DLG2: variants seen among roughly 807,000 people sequenced by gnomAD.
DLG2 encodes disks large homolog 2.
In DLG2, 45 loss-of-function variants were observed where a neutral mutation model predicts 132.5. That is an observed-to-expected ratio of 0.34 (90% confidence interval 0.27 to 0.44). The LOEUF (loss-of-function observed/expected upper bound fraction) is 0.44. Ranked by LOEUF, DLG2 falls within the 20% of genes least tolerant of loss-of-function variation. The pLI is 1.00. For synonymous variants in DLG2, 424 were observed against 419.6 expected, an observed-to-expected ratio of 1.01 and a Z score of -0.13; for missense variants, 1,045 against 1,196.9, an observed-to-expected ratio of 0.87 and a Z score of 1.87.
intron 4 of DLG2, among the ~76,000 whole-genome samples, chr11:85,191,999 T>C (rs1218144797): frequency 6.6e-6 from 1 of 152,108 alleles, no homozygotes; most frequent in Non-Finnish European, 1.5e-5. Flanking sequence ...ATTTTACAAA[T>C]AAGAGAAATG....
At chr11:84,996,991 G>T (rs2057715518) in intron 6 of DLG2, among the ~76,000 whole-genome samples, 1 of 152,154 alleles carries the variant, frequency 6.6e-6, no homozygotes, top group Admixed American at 6.6e-5. Flanking sequence ...ATTGGTGTCT[G>T]GTCATGCAGT....
At chr11:84,044,588 C>A (rs1274448634) in intron 11 of DLG2, among the ~76,000 whole-genome samples, 1 of 151,640 alleles carries the variant, frequency 6.6e-6, no homozygotes, top group East Asian at 1.9e-4. Context: ...TCTTGTAAGA[C>A]CCCAATTCTG....
chr11:84,792,920 G>T (rs1053928830), intron 6 of DLG2, among the ~76,000 whole-genome samples: 1 of 151,808 alleles, frequency 6.6e-6, no homozygotes, highest in Non-Finnish European at 1.5e-5. Flanking sequence ...TCATTTATTT[G>T]TGCTTGTATC....
chr11:84,632,701 G>A (rs1292122585), intron 6 of DLG2, among the ~76,000 whole-genome samples: 2 of 152,242 alleles, frequency 1.3e-5, no homozygotes, highest in South Asian at 2.1e-4. Flanking sequence ...CATCCCTGAA[G>A]GTAAATGTTA....
chr11:83,963,437 A>G (rs990034071), intron 13 of DLG2, among the ~76,000 whole-genome samples: 2 of 151,986 alleles, frequency 1.3e-5, no homozygotes, highest in Non-Finnish European at 2.9e-5. Context: ...CTCCTGTGAG[A>G]CTTTCTCCCA....
Position 85,549,840 on chromosome 11 carries a change from C to A in DLG2, c.40+48817G>T, listed in dbSNP as rs915363265. ...AAGACACTCCTGCCAGAGCGATGAC[C>A]AGTTTACAAATGCCATGGCAACATC... On this transcript the variant is annotated intron_variant, in intron 3 of 27. Transcript: ENST00000376104. 2.0e-5 allele frequency among the ~76,000 whole-genome samples: 3 copies of A among 152,286 alleles called. No individual in the cohort carries two copies. In the South Asian group the frequency reaches 6.2e-4, roughly 32 times the overall value.
intron 6 of DLG2, among the ~76,000 whole-genome samples, chr11:84,881,836 G>T (rs897798943): frequency 6.6e-6 from 1 of 152,076 alleles, no homozygotes; most frequent in African/African-American, 2.4e-5. Context: ...AAGGCTGTAG[G>T]CCTACACCTC....
intron 6 of DLG2, among the ~76,000 whole-genome samples, chr11:85,027,860 C>G (rs938744060): frequency 1.3e-5 from 2 of 152,194 alleles, no homozygotes; most frequent in Non-Finnish European, 2.9e-5. Context: ...GGCTGCAGCT[C>G]TTCTCTCCTT....
intron 3 of DLG2, among the ~76,000 whole-genome samples, chr11:85,465,940 C>T (rs1374316407): frequency 3.3e-5 from 5 of 151,864 alleles, no homozygotes; most frequent in Admixed American, 6.6e-5. Context: ...AAAGTGTTCC[C>T]ATTTCTCCAC....
intron 6 of DLG2, among the ~76,000 whole-genome samples, chr11:84,552,865 C>G (rs1194273548): frequency 1.3e-5 from 2 of 152,134 alleles, no homozygotes; most frequent in African/African-American, 2.4e-5. Context: ...CCCTTTAAAA[C>G]CCTTCAGTAG....
intron 7 of DLG2, among the ~76,000 whole-genome samples, chr11:84,280,232 C>T (rs2097839893): frequency 6.6e-6 from 1 of 151,664 alleles, no homozygotes; most frequent in Non-Finnish European, 1.5e-5. Context: ...GCAATAAATT[C>T]ATAGAAATTA....
chr11:83,568,451 G>A (rs1407302170), intron 19 of DLG2, among the ~76,000 whole-genome samples: 1 of 152,138 alleles, frequency 6.6e-6, no homozygotes, highest in African/African-American at 2.4e-5. Flanking sequence ...GAGCTCAGGA[G>A]AGAGATTTGG....
intron 7 of DLG2, among the ~76,000 whole-genome samples, chr11:84,441,148 A>G (rs1016556985): frequency 6.6e-6 from 1 of 150,744 alleles, no homozygotes; most frequent in Non-Finnish European, 1.5e-5. Context: ...TATTATTATT[A>G]TTATTATTAC....
In DLG2 at chr11:84,623,556, T is replaced by G. The variant is rs112846879; in HGVS notation, c.358-88825A>C. On this transcript the variant is annotated intron_variant, in intron 6 of 27. Coordinates refer to ENST00000376104, the MANE Select transcript of DLG2 (RefSeq NM_001142699.3). ...TGAAGGAATGATTAGAGAGGTTCAG[T>G]GACTTAGTGTTAATTATGGATCTTC... Among the ~76,000 whole-genome samples the G allele has an allele frequency of 1.0e-3, 154 of 152,346 alleles. 2 individuals carry two copies. The highest frequency in any genetic ancestry group is 1.1e-3 in the Non-Finnish European group (78 of 68,024).
At chr11:83,829,101 T>TCTGAA (rs1390178376) in intron 17 of DLG2, among the ~76,000 whole-genome samples, 1 of 152,178 alleles carries the variant, frequency 6.6e-6, no homozygotes, top group Non-Finnish European at 1.5e-5. Flanking sequence ...CTGGGGATTC[T>TCTGAA]ACTTCCTTTC....
At chr11:85,317,140 T>C (rs546072962) in intron 3 of DLG2, among the ~76,000 whole-genome samples, 20 of 152,016 alleles carry the variant, frequency 1.3e-4, no homozygotes, top group African/African-American at 4.3e-4. Flanking sequence ...GTAAAAGCTC[T>C]GACGCAGGAA....
At chr11:84,401,678 A>G (rs2098829905) in intron 7 of DLG2, among the ~76,000 whole-genome samples, 1 of 152,190 alleles carries the variant, frequency 6.6e-6, no homozygotes, top group Non-Finnish European at 1.5e-5. Flanking sequence ...GACCCTAAAT[A>G]ACTTTACTAC....
chr11:85,607,746 G>C (rs2080683540), intron 2 of DLG2, among the ~76,000 whole-genome samples: 1 of 152,170 alleles, frequency 6.6e-6, no homozygotes, highest in African/African-American at 2.4e-5. Context: ...CTACAGCTAG[G>C]ATATGGGGAG....
chr11:84,834,095 T>A (rs2079393628), intron 6 of DLG2, among the ~76,000 whole-genome samples: 1 of 151,702 alleles, frequency 6.6e-6, no homozygotes, highest in African/African-American at 2.4e-5. Context: ...ACTATAATTT[T>A]AGGAAAACCC....
Sources: allele counts gnomAD v4.1 joint callset (sites outside exome capture counted in the v4.1 genomes callset), GRCh38; gene constraint gnomAD v4.1.1; transcripts MANE v1.5; gene names NCBI Gene and HGNC (gene_info 2026-07-23, HGNC 2026-07-21).